Variants in ART1 observed in about 807,000 individuals in gnomAD.
The protein encoded by ART1 is GPI-linked NAD(P)(+)--arginine ADP-ribosyltransferase 1.
In ART1, 29 loss-of-function variants were observed where a neutral mutation model predicts 27.0. That is an observed-to-expected ratio of 1.08 (90% CI 0.80 to 1.47). The LOEUF (loss-of-function observed/expected upper bound fraction) is 1.47. Among genes scored for constraint, ART1 ranks in the 40% most tolerant of loss-of-function variants. The pLI, the probability that ART1 is intolerant of heterozygous loss-of-function variation, is 0.00. For synonymous variants in ART1, 201 were observed against 172.2 expected, an observed-to-expected ratio of 1.17 and a Z score of -1.31; for missense variants, 480 against 423.0, an observed-to-expected ratio of 1.13 and a Z score of -1.18.
At chr11:3,650,770 C>G (rs1308376288) in intron 1 of ART1, among the ~76,000 whole-genome samples, 4 of 150,908 alleles carry the variant, frequency 2.7e-5, no homozygotes, top group Non-Finnish European at 5.9e-5. Flanking sequence ...TCATTGCCAC[C>G]TTTTCCCCCA....
intron 1 of ART1, among the ~76,000 whole-genome samples, chr11:3,655,005 CA>C (rs1299503341): frequency 6.6e-6 from 1 of 152,226 alleles, no homozygotes; most frequent in Non-Finnish European, 1.5e-5. Context: ...CCGTGTGCCA[CA>C]AAATCTCAGT....
chr11:3,659,651 C>T lies in ART1; in HGVS notation c.132C>T (p.Ala44=), dbSNP rs1204605810. 2 of 1,613,774 alleles carry T rather than the reference C, an allele frequency of 1.2e-6. No homozygotes were observed. The highest frequency in any genetic ancestry group is 8.5e-7 in the Non-Finnish European group (1 of 1,180,008). The part of the protein sequence containing the change: ...SQEIQLDMAL[A]SFDDQYAGCA... ...AGATTCAGCTGGACATGGCCCTGGC[C>T]TCCTTTGATGACCAGTACGCTGGCT... is the stretch of plus-strand genomic sequence containing the variant. The change falls in exon 3 of 5, where the codon GCC becomes GCT. Residue 44 remains alanine (A), a synonymous_variant. Coordinates refer to ENST00000250693, the MANE Select transcript of ART1 (RefSeq NM_004314.3).
At chr11:3,654,574 C>A (rs1361562644) in intron 1 of ART1, among the ~76,000 whole-genome samples, 21 of 14,878 alleles carry the variant, frequency 1.4e-3, no homozygotes, top group Non-Finnish European at 2.0e-3. Flanking sequence ...GCCATTCTCC[C>A]ATCAGACATC....
chr11:3,652,227 G>C (rs184981736), intron 1 of ART1, among the ~76,000 whole-genome samples: 1 of 150,560 alleles, frequency 6.6e-6, no homozygotes, highest in African/African-American at 2.5e-5. Context: ...ACTTTCACTG[G>C]ATAGGTACAG....
intron 4 of ART1, among the ~76,000 whole-genome samples, chr11:3,662,642 C>T (rs577020249): frequency 2.0e-5 from 3 of 152,176 alleles, no homozygotes; most frequent in Admixed American, 6.5e-5. Context: ...GTCAGGAGTT[C>T]GAGACCAGCC....
intron 4 of ART1, 78 bp downstream of exon 4, chr11:3,661,491 T>A: frequency 3.3e-4 from 105 of 313,556 alleles, no homozygotes; most frequent in Non-Finnish European, 4.2e-4. Flanking sequence ...CACCTCGATC[T>A]TTTTTTTTTT....
chr11:3,647,504 G>A (rs2077478604), intron 1 of ART1, among the ~76,000 whole-genome samples: 1 of 149,670 alleles, frequency 6.7e-6, no homozygotes, highest in South Asian at 2.1e-4. Context: ...CGTGCTTGTG[G>A]GCACCTGTAG....
In ART1 at chr11:3,653,652, A is replaced by AT. The variant is rs929021817; in HGVS notation, c.-52-5502dup. The stretch of plus-strand genomic sequence containing the variant: ...ACGCGCATGAAAAGAGGAGCTTCGT[A>AT]TTTTTTTTAAATCTACTCCGCTTCT... On this transcript the variant is annotated intron_variant, in intron 1 of 4. Transcript: ENST00000250693. Among the ~76,000 whole-genome samples, 20 of 152,084 alleles carry AT rather than the reference A, an allele frequency of 1.3e-4. No homozygotes were observed. In the East Asian group the frequency reaches 1.9e-3, roughly 15 times the overall value.
intron 1 of ART1, among the ~76,000 whole-genome samples, chr11:3,650,008 A>G (rs1216503799): frequency 6.6e-6 from 1 of 152,166 alleles, no homozygotes; most frequent in Non-Finnish European, 1.5e-5. Flanking sequence ...AAACCCCACA[A>G]CAGGACTTAA....
chr11:3,649,694 T>C (rs11028766), intron 1 of ART1, among the ~76,000 whole-genome samples: 108,926 of 146,428 alleles, frequency 0.74, 39,105 homozygotes, highest in Admixed American at 0.85. Context: ...CCATTTCATT[T>C]CATGACTAGC....
At chr11:3,657,420 TA>T (rs2077583517) in intron 1 of ART1, among the ~76,000 whole-genome samples, 1 of 151,762 alleles carries the variant, frequency 6.6e-6, no homozygotes, top group Non-Finnish European at 1.5e-5. Flanking sequence ...ACAAAAAATA[TA>T]AAAATAAGCC....
rs113697742 is a variant in ART1 at position 3,653,543 on chromosome 11, C to G, written c.-52-5619C>G. On this transcript the variant is annotated intron_variant, in intron 1 of 4. Coordinates refer to ENST00000250693, the MANE Select transcript of ART1 (RefSeq NM_004314.3). ...ACCCTTATCTCCCTTCGCTGACTCT[C>G]TTTTCGGACTCAGTCCACCTGCACT... Among the ~76,000 whole-genome samples the G allele has an allele frequency of 4.5e-3, 686 of 152,054 alleles. 4 individuals are homozygous for G. Among genetic ancestry groups the G allele is most frequent in the African/African-American group, 0.016 (654 of 41,324 alleles).
chr11:3,650,290 A>T (rs1289984658), intron 1 of ART1, among the ~76,000 whole-genome samples: 1 of 152,094 alleles, frequency 6.6e-6, no homozygotes, highest in Non-Finnish European at 1.5e-5. Context: ...TCTGTGTGGG[A>T]CCCCACTGAA....
intron 1 of ART1, among the ~76,000 whole-genome samples, chr11:3,647,966 G>A (rs375798498): frequency 1.5e-4 from 23 of 152,050 alleles, no homozygotes; most frequent in Admixed American, 2.6e-4. Flanking sequence ...CCTCTGAGCC[G>A]AAGCTAAGCC....
intron 1 of ART1, among the ~76,000 whole-genome samples, chr11:3,658,620 G>A (rs1188687385): frequency 6.6e-6 from 1 of 152,112 alleles, no homozygotes; most frequent in African/African-American, 2.4e-5. Flanking sequence ...CAGGGAGTGG[G>A]GGCAACTGGT....
At chr11:3,651,569 CATGT>C (rs1481236147) in intron 1 of ART1, among the ~76,000 whole-genome samples, 1 of 150,724 alleles carries the variant, frequency 6.6e-6, no homozygotes. Flanking sequence ...GCCTAGCCCT[CATGT>C]CTGCGTGCAG....
chr11:3,656,414 G>A (rs758757312), intron 1 of ART1, among the ~76,000 whole-genome samples: 2 of 151,386 alleles, frequency 1.3e-5, no homozygotes, highest in East Asian at 2.0e-4. Context: ...ACGGAGTCTC[G>A]CTCTGTCACC....
At chr11:3,655,184 G>T (rs183366968) in intron 1 of ART1, among the ~76,000 whole-genome samples, 3 of 152,160 alleles carry the variant, frequency 2.0e-5, no homozygotes, top group African/African-American at 4.8e-5. Flanking sequence ...TTCATTCTGG[G>T]GGTCCAGACT....
At chr11:3,653,771 T>G (rs1348645133) in intron 1 of ART1, among the ~76,000 whole-genome samples, 1 of 151,796 alleles carries the variant, frequency 6.6e-6, no homozygotes, top group Admixed American at 6.6e-5. Flanking sequence ...ACATCAAGTC[T>G]TGTAAATTCC....
Sources: gnomAD v4.1 joint callset for allele counts (sites outside exome capture counted in the v4.1 genomes callset) on GRCh38, gnomAD v4.1.1 for gene constraint, MANE v1.5 for transcripts, NCBI Gene and HGNC (gene_info 2026-07-23, HGNC 2026-07-21) for gene names.